Variants in FBN1 observed in about 807,000 individuals in gnomAD.
The protein encoded by FBN1 is fibrillin 1, also known as fibrillin-1.
Under a neutral mutation model 365.1 loss-of-function variants are expected in FBN1, and 29 were observed. The observed-to-expected ratio is 0.08, with a 90% CI of 0.06 to 0.11. The LOEUF (loss-of-function observed/expected upper bound fraction) is 0.11. FBN1 is among the 10% of genes least tolerant of loss of function. The pLI, the probability that FBN1 is intolerant of heterozygous loss-of-function variation, is 1.00. For synonymous variants in FBN1, 1,210 were observed against 1,270.5 expected (o/e 0.95, Z 1.01); for missense variants, 2,476 against 3,703.2 (o/e 0.67, Z 8.60).
At chr15:48,431,238 C>T (rs1031815848) in intron 55 of FBN1, among the ~76,000 whole-genome samples, 1 of 152,066 alleles carries the variant, frequency 6.6e-6, no homozygotes. Context: ...TCTGGGATTA[C>T]AGGCATGCAC....
At chr15:48,431,578 C>T (rs1356839673) in intron 55 of FBN1, among the ~76,000 whole-genome samples, 1 of 151,900 alleles carries the variant, frequency 6.6e-6, no homozygotes, top group Non-Finnish European at 1.5e-5. Context: ...GTACTACAAT[C>T]ATAATGGATT....
rs554376315 is a variant in FBN1, at chr15:48,505,435, G to A, written c.1838-288C>T. Among the ~76,000 whole-genome samples the A allele has an allele frequency of 2.6e-5, 4 of 152,302 alleles. No homozygotes were observed. The South Asian group carries it at 8.3e-4, about 32-fold the overall frequency. On this transcript the variant is annotated intron_variant, in intron 15 of 65. Coordinates refer to ENST00000316623, the MANE Select transcript of FBN1 (RefSeq NM_000138.5). ...AAAGGCAAAAACAGAATCAGAGGAA[G>A]GAGAACAATGGCTGCTAAAAGACAA... is the stretch of plus-strand genomic sequence containing the variant.
At chr15:48,542,738 G>A (rs2044066335) in intron 6 of FBN1, among the ~76,000 whole-genome samples, 1 of 149,998 alleles carries the variant, frequency 6.7e-6, no homozygotes, top group Non-Finnish European at 1.5e-5. Context: ...TATACGTCTT[G>A]CAAAAGCTCC....
At chr15:48,522,764 A>T (rs1030029199) in intron 9 of FBN1, among the ~76,000 whole-genome samples, 2 of 152,252 alleles carry the variant, frequency 1.3e-5, no homozygotes, top group Non-Finnish European at 1.5e-5. Context: ...CAACCTAGAC[A>T]AACCATAAAA....
chr15:48,494,794 C>T (rs922421439), intron 22 of FBN1, among the ~76,000 whole-genome samples: 1 of 152,186 alleles, frequency 6.6e-6, no homozygotes, highest in Non-Finnish European at 1.5e-5. Flanking sequence ...GGTTTCTTTA[C>T]ATCAATTAGC....
At chr15:48,561,030 G>A (rs913347285) in intron 6 of FBN1, among the ~76,000 whole-genome samples, 2 of 152,202 alleles carry the variant, frequency 1.3e-5, no homozygotes, top group African/African-American at 4.8e-5. Flanking sequence ...GTTTTCATCA[G>A]TATTATTACA....
At chr15:48,486,964 A>G in intron 29 of FBN1, 111 bp downstream of exon 29, 1 of 852,122 alleles carries the variant, frequency 1.2e-6, no homozygotes, top group Non-Finnish European at 1.6e-6. Flanking sequence ...CTCAGAGTAC[A>G]TAGAGTGTTT....
chr15:48,454,217 T>C (rs1326695254), intron 44 of FBN1, among the ~76,000 whole-genome samples: 1 of 152,208 alleles, frequency 6.6e-6, no homozygotes, highest in Non-Finnish European at 1.5e-5. Context: ...AGTTCCCAGC[T>C]GATGCAGGTG....
At chr15:48,528,118 A>T (rs1017438164) in intron 8 of FBN1, among the ~76,000 whole-genome samples, 5 of 152,230 alleles carry the variant, frequency 3.3e-5, no homozygotes, top group Non-Finnish European at 7.3e-5. Context: ...CCTGCCAAAG[A>T]TCGCATGAGG....
intron 2 of FBN1, among the ~76,000 whole-genome samples, chr15:48,617,691 T>G (rs1013451343): frequency 1.3e-5 from 2 of 152,166 alleles, no homozygotes; most frequent in Admixed American, 1.3e-4. Context: ...ATACTTGGAT[T>G]CAGTTAAACA....
At chr15:48,528,141 A>G (rs898631742) in intron 8 of FBN1, among the ~76,000 whole-genome samples, 3 of 152,240 alleles carry the variant, frequency 2.0e-5, no homozygotes, top group Non-Finnish European at 4.4e-5. Context: ...ACAATGTGGT[A>G]TTAAATATTT....
At position 48,487,069 on chromosome 15, in the gene FBN1, A is replaced by G. The variant is rs766478869; in HGVS notation, c.3589+6T>C. ...ATAAAATAAAATAAAATAAAAAAGAACTTACCAACACAAAATAGCCTATCG... is the reference window on the plus strand; with the variant it reads ...ATAAAATAAAATAAAATAAAAAAGAGCTTACCAACACAAAATAGCCTATCG... On this transcript the variant is annotated splice_donor_region_variant and intron_variant, in intron 29 of 65. Transcript: ENST00000316623. 2 of 1,551,472 alleles carry G rather than the reference A, an allele frequency of 1.3e-6. No homozygotes were observed. Among genetic ancestry groups the G allele is most frequent in the Non-Finnish European group, 1.7e-6 (2 of 1,150,412 alleles).
intron 32 of FBN1, chr15:48,476,774 C>CAT (rs1424737529): frequency 1.5e-5 from 1 of 64,562 alleles, no homozygotes; most frequent in African/African-American, 6.4e-5. Flanking sequence ...CCACGCCTGG[C>CAT]TTTTTTTTTT....
In FBN1 at chr15:48,463,253, T is replaced by G. The variant is rs1167489368; in HGVS notation, c.5066-13A>C. 1.2e-6 allele frequency: 2 copies of G among 1,609,306 alleles called. No homozygotes were observed. Among genetic ancestry groups the G allele is most frequent in the Admixed American group, 3.3e-5 (2 of 59,746 alleles). ...CTTCTTCTCATATCTAGAAGGGAGG[T>G]AAAAAAAAGGATTGGAGGGTTGGTG... On this transcript the variant is annotated splice_polypyrimidine_tract_variant and intron_variant, in intron 41 of 65. Transcript: ENST00000316623.
intron 35 of FBN1, among the ~76,000 whole-genome samples, chr15:48,471,425 C>G (rs930748705): frequency 6.6e-6 from 1 of 152,094 alleles, no homozygotes; most frequent in Non-Finnish European, 1.5e-5. Flanking sequence ...ATAAGAGAAG[C>G]AAAACTTTCA....
chr15:48,446,019 A>G (rs2043155742), intron 47 of FBN1, among the ~76,000 whole-genome samples: 1 of 152,150 alleles, frequency 6.6e-6, no homozygotes, highest in African/African-American at 2.4e-5. Flanking sequence ...GAAGGTTCAT[A>G]GTCCTGAATC....
intron 62 of FBN1, among the ~76,000 whole-genome samples, chr15:48,421,324 C>T (rs2141221386): frequency 1.3e-5 from 2 of 152,086 alleles, no homozygotes; most frequent in African/African-American, 4.8e-5. Context: ...AAATTAAAAA[C>T]TTAGCAGAAA....
chr15:48,515,542 A>G lies in FBN1; in HGVS notation c.1328-15T>C. On this transcript the variant is annotated splice_polypyrimidine_tract_variant and intron_variant, in intron 11 of 65. Transcript: ENST00000316623. The stretch of plus-strand genomic sequence containing the variant: ...TGGCAGCACCCCTAGAAGAACATTA[A>G]GCCCCATTAAAATTATTTTAACTAT... The G allele has an allele frequency of 1.2e-6, 2 of 1,613,812 alleles. No homozygotes were observed. Among genetic ancestry groups the G allele is most frequent in the Non-Finnish European group, 1.7e-6 (2 of 1,179,790 alleles).
chr15:48,443,595 T>A (rs1176592277), intron 49 of FBN1, among the ~76,000 whole-genome samples: 1 of 152,214 alleles, frequency 6.6e-6, no homozygotes, highest in Non-Finnish European at 1.5e-5. Context: ...GGATATATAA[T>A]AAAATTTCTA....
Sources: allele counts gnomAD v4.1 joint callset (sites outside exome capture counted in the v4.1 genomes callset), GRCh38; gene constraint gnomAD v4.1.1; transcripts MANE v1.5; gene names NCBI Gene and HGNC (gene_info 2026-07-23, HGNC 2026-07-21).